The following HNRNPU variants were observed in gnomAD, a reference collection of about 807,000 sequenced individuals.
HNRNPU encodes HNRNPU antisense RNA 1.
Under a neutral mutation model 94.7 loss-of-function variants are expected in HNRNPU, and 5 were observed. The ratio of observed to expected loss-of-function variants is 0.05; its 90% CI spans 0.03 to 0.11. HNRNPU has a LOEUF of 0.11. HNRNPU is among the 10% of genes least tolerant of loss of function. The pLI is 1.00. For synonymous variants in HNRNPU, 434 were observed against 381.6 expected (o/e 1.14, Z -1.60); for missense variants, 710 against 1,049.2 (o/e 0.68, Z 4.47).
intron 5 of HNRNPU, 121 bp downstream of exon 5, chr1:244,859,154 G>C (rs1485395854): frequency 6.5e-6 from 4 of 615,322 alleles, no homozygotes; most frequent in South Asian, 2.1e-5. Context: ...TTACCTGTCT[G>C]AAGTATTAAC....
At chr1:244,861,173 G>C (rs1012497887) in intron 3 of HNRNPU, 2 of 152,132 alleles carry the variant, frequency 1.3e-5, no homozygotes, top group African/African-American at 2.4e-5. Flanking sequence ...CTTCTCACTT[G>C]AACAGCTAAA....
At position 244,852,027 on chromosome 1, in the gene HNRNPU, T is replaced by C. The variant is rs1323083575; in HGVS notation, c.*2423A>G. 6.6e-6 allele frequency: 1 copy of C among 152,228 alleles called. No homozygotes were observed. The highest frequency in any genetic ancestry group is 1.5e-5 in the Non-Finnish European group (1 of 68,034). The allele number at this position is 152,228 out of a possible 1,614,324, so 9.4% of individuals were successfully genotyped here. A position where few individuals can be genotyped will look rare whatever the true frequency, so the allele number is the denominator to read the frequency against. ...CAGCAATCTCACAGTGAGTTTCCTC[T>C]GGGTAGTCAGGATTTGTCCAGAACT... On this transcript the variant is annotated 3_prime_UTR_variant, in exon 14 of 14. Coordinates refer to ENST00000640218, the MANE Select transcript of HNRNPU (RefSeq NM_031844.3).
Position 244,854,313 on chromosome 1 carries a change from C to T in HNRNPU, c.*137G>A, listed in dbSNP as rs1454444911. ...CAAAAAAGAAAAGAAAAAAAATCAA[C>T]CCACAAAGCTTCTAAAAAAGGAACC... On this transcript the variant is annotated 3_prime_UTR_variant, in exon 14 of 14. Transcript: ENST00000640218. The T allele has an allele frequency of 6.0e-6, 4 of 671,550 alleles. No individual in the cohort carries two copies. In the African/African-American group the frequency reaches 7.4e-5, roughly 12 times the overall value. The allele number at this position is 671,550 out of a possible 1,614,324, so 41.6% of individuals were successfully genotyped here. A position where few individuals can be genotyped will look rare whatever the true frequency, so the allele number is the denominator to read the frequency against.
rs572484254 is a variant in HNRNPU at position 244,854,613 on chromosome 1, A to G, written c.2425-110T>C. The stretch of plus-strand genomic sequence containing the variant: ...AGAGTAATTTGCTGGAAACAAATTT[A>G]TACCTGTCATACCTCTGATTTCTAC... On this transcript the variant is annotated intron_variant, in intron 13 of 13. Transcript: ENST00000640218. 33 of 729,524 alleles carry G rather than the reference A, an allele frequency of 4.5e-5. 1 individual carries two copies. The Admixed American group carries it at 6.1e-4, about 13-fold the overall frequency. The allele number at this position is 729,524 out of a possible 1,614,324, so 45.2% of individuals were successfully genotyped here.
chr1:244,861,711 T>C, intron 3 of HNRNPU: 1 of 143,418 alleles, frequency 7.0e-6, no homozygotes, highest in East Asian at 2.2e-4. Context: ...TTGTACATTC[T>C]CATCACTAAA....
intron 3 of HNRNPU, 98 bp from the exon 4 acceptor site, chr1:244,860,572 T>C (rs1680800223): frequency 1.1e-6 from 1 of 894,182 alleles, no homozygotes; most frequent in Non-Finnish European, 1.7e-6. Flanking sequence ...CATGTACTTC[T>C]TAATGCTGCA....
intron 3 of HNRNPU, chr1:244,861,106 G>T (rs1056800407): frequency 2.0e-5 from 3 of 152,236 alleles, no homozygotes; most frequent in Admixed American, 2.0e-4. Context: ...CAAATCCAAA[G>T]TGTCTTTAAC....
Position 244,853,211 on chromosome 1 carries a change from A to G in HNRNPU, c.*1239T>C, listed in dbSNP as rs1194423243. 6.6e-6 allele frequency: 1 copy of G among 152,588 alleles called. No homozygotes were observed. The highest frequency in any genetic ancestry group is 2.4e-5 in the African/African-American group (1 of 41,460). The allele number at this position is 152,588 out of a possible 1,614,324, so 9.5% of individuals were successfully genotyped here. On this transcript the variant is annotated 3_prime_UTR_variant, in exon 14 of 14. Coordinates refer to ENST00000640218, the MANE Select transcript of HNRNPU (RefSeq NM_031844.3). ...GGGGGGGAGGGGAAGGGAAGAATTC[A>G]ACTTTACTTCATAATTATGTATCAA... is the stretch of plus-strand genomic sequence containing the variant.
chr1:244,862,401 A>AAAAAAAAAAC, intron 3 of HNRNPU, 60 bp downstream of exon 3: 2 of 1,184,350 alleles, frequency 1.7e-6, no homozygotes, highest in Non-Finnish European at 2.3e-6. Flanking sequence ...CTTCTAAAAA[A>AAAAAAAAAAC]AAAAAAAAAA....
In HNRNPU at chr1:244,854,390, A is replaced by C. The variant is rs1307928811; in HGVS notation, c.*60T>G. On this transcript the variant is annotated 3_prime_UTR_variant, in exon 14 of 14. Transcript: ENST00000640218. ...TTAAAAAGTTAGCCTACTAAAGAAA[A>C]CAGTCGACTTCTTGTGAAGGTTTTG... 1.4e-5 allele frequency: 16 copies of C among 1,155,328 alleles called. No homozygotes were observed. Among genetic ancestry groups the C allele is most frequent in the Non-Finnish European group, 2.0e-5 (15 of 768,146 alleles). The allele number at this position is 1,155,328 out of a possible 1,614,324, so 71.6% of individuals were successfully genotyped here.
intron 3 of HNRNPU, chr1:244,861,946 T>G (rs1680842080): frequency 6.5e-6 from 1 of 152,916 alleles, no homozygotes; most frequent in African/African-American, 2.4e-5. Context: ...AGAAATCAAC[T>G]TATGTTTAAA....
At chr1:244,862,291 T>C (rs1680851514) in intron 3 of HNRNPU, 170 bp downstream of exon 3, 1 of 578,668 alleles carries the variant, frequency 1.7e-6, no homozygotes, top group Non-Finnish European at 3.0e-6. Context: ...ATACAACTGA[T>C]GACGTGCTAA....
intron 8 of HNRNPU, 40 bp downstream of exon 8, chr1:244,857,558 A>G: frequency 6.3e-7 from 1 of 1,597,060 alleles, no homozygotes; most frequent in Non-Finnish European, 8.6e-7. Flanking sequence ...CTCCCAGTCT[A>G]TTTTAAACAC....
intron 4 of HNRNPU, 84 bp downstream of exon 4, chr1:244,860,251 A>G (rs1558188478): frequency 8.2e-7 from 1 of 1,213,874 alleles, no homozygotes; most frequent in Non-Finnish European, 1.2e-6. Flanking sequence ...CAGTGAGCCT[A>G]GGTCGCACCA....
intron 3 of HNRNPU, 26 bp downstream of exon 3, chr1:244,862,435 A>G (rs1335884764): frequency 1.1e-5 from 17 of 1,497,912 alleles, no homozygotes; most frequent in Non-Finnish European, 1.5e-5. Context: ...CGCATTTCAT[A>G]ATTGGGGAGA....
At position 244,856,720 on chromosome 1, in the gene HNRNPU, C is replaced by T. The variant is rs75674611; in HGVS notation, c.1743+8G>A. The T allele has an allele frequency of 2.5e-6, 4 of 1,610,256 alleles. No homozygotes were observed. The South Asian group carries it at 3.3e-5, about 13-fold the overall frequency. On this transcript the variant is annotated splice_region_variant and intron_variant, in intron 9 of 13. Coordinates refer to ENST00000640218, the MANE Select transcript of HNRNPU (RefSeq NM_031844.3). ...TTAATATTTTTCAATTTCAAAGCTA[C>T]AGCGTACCTGATCCAGAATAAAATT...
chr1:244,854,598 G>T, intron 13 of HNRNPU, 95 bp from the exon 14 acceptor site: 2 of 851,186 alleles, frequency 2.3e-6, no homozygotes, highest in Non-Finnish European at 4.0e-6. Context: ...AGAGTAATTT[G>T]CTGGAAACAA....
chr1:244,851,281 C>G lies in HNRNPU; in HGVS notation c.*3169G>C, dbSNP rs1402673568. Reference sequence around the variant, plus strand: ...TTTTTAAAAATCAAATATACAAGATCTACAATTATTTATATCCAAGATGTC... The same window carrying G: ...TTTTTAAAAATCAAATATACAAGATGTACAATTATTTATATCCAAGATGTC... On this transcript the variant is annotated 3_prime_UTR_variant, in exon 14 of 14. Transcript: ENST00000640218. The G allele has an allele frequency of 2.6e-5, 4 of 152,142 alleles. No individual in the cohort carries two copies. The highest frequency in any genetic ancestry group is 9.7e-5 in the African/African-American group (4 of 41,416). The allele number at this position is 152,142 out of a possible 1,614,324, so 9.4% of individuals were successfully genotyped here. A position where few individuals can be genotyped will look rare whatever the true frequency, so the allele number is the denominator to read the frequency against.
chr1:244,863,334 A>C (rs369213782), intron 1 of HNRNPU, among the ~76,000 whole-genome samples: 2,845 of 141,592 alleles, frequency 0.02, 50 homozygotes, highest in East Asian at 0.097. Flanking sequence ...TCCTCCCCCT[A>C]CAGCGGCAGC....
Sources: gnomAD v4.1 joint callset for allele counts (sites outside exome capture counted in the v4.1 genomes callset) on GRCh38, gnomAD v4.1.1 for gene constraint, MANE v1.5 for transcripts, NCBI Gene and HGNC (gene_info 2026-07-23, HGNC 2026-07-21) for gene names.